The following RIN2 variants were observed in gnomAD, a reference collection of about 807,000 sequenced individuals.
RIN2 encodes RAB5 interacting protein 2.
In RIN2, 36 loss-of-function variants were observed where a neutral mutation model predicts 78.0. That is an observed-to-expected ratio of 0.46 (90% CI 0.35 to 0.61). The LOEUF is 0.61. RIN2 is among the 20% of genes least tolerant of loss of function. The pLI, the probability that RIN2 is intolerant of heterozygous loss-of-function variation, is 0.00. For synonymous variants in RIN2, 466 were observed against 466.8 expected, an observed-to-expected ratio of 1.00 and a Z score of 0.02; for missense variants, 1,087 against 1,159.7, an observed-to-expected ratio of 0.94 and a Z score of 0.91.
intron 3 of RIN2, among the ~76,000 whole-genome samples, chr20:19,891,634 C>T (rs1282432450): frequency 6.6e-6 from 1 of 152,194 alleles, no homozygotes; most frequent in African/African-American, 2.4e-5. Context: ...GCCTGGCCAA[C>T]ATGGCGAAAC....
chr20:19,942,039 G>C (rs2040892290), intron 4 of RIN2, among the ~76,000 whole-genome samples: 1 of 150,114 alleles, frequency 6.7e-6, no homozygotes, highest in African/African-American at 2.5e-5. Context: ...GAACCTGAAA[G>C]ATGGAGGTTG....
intron 2 of RIN2, among the ~76,000 whole-genome samples, chr20:19,815,061 C>T (rs982036368): frequency 6.6e-6 from 1 of 152,220 alleles, no homozygotes; most frequent in Non-Finnish European, 1.5e-5. Context: ...GGATTATTAA[C>T]TGGCTCTGAG....
At chr20:19,994,075 C>T (rs2042882288) in intron 11 of RIN2, among the ~76,000 whole-genome samples, 1 of 152,236 alleles carries the variant, frequency 6.6e-6, no homozygotes. Context: ...GACTAATGGA[C>T]AGGTGGCTGT....
At chr20:19,860,917 C>A (rs1289213522) in intron 2 of RIN2, among the ~76,000 whole-genome samples, 2 of 152,182 alleles carry the variant, frequency 1.3e-5, no homozygotes, top group East Asian at 1.9e-4. Flanking sequence ...CAGCACATAA[C>A]CAACTGCAAG....
chr20:19,844,121 G>C (rs768014486), intron 2 of RIN2, among the ~76,000 whole-genome samples: 2 of 152,174 alleles, frequency 1.3e-5, no homozygotes, highest in Non-Finnish European at 2.9e-5. Context: ...AGTAGCTCTA[G>C]AAATGATGTT....
At chr20:19,959,236 T>C (rs1318753738) in intron 5 of RIN2, among the ~76,000 whole-genome samples, 1 of 152,148 alleles carries the variant, frequency 6.6e-6, no homozygotes, top group Non-Finnish European at 1.5e-5. Context: ...TGCCAACCCC[T>C]GATATAACGT....
intron 2 of RIN2, among the ~76,000 whole-genome samples, chr20:19,846,914 G>T (rs932621233): frequency 6.6e-6 from 1 of 152,138 alleles, no homozygotes; most frequent in Admixed American, 6.5e-5. Context: ...ACTCCATCCA[G>T]CCTACCATAA....
intron 1 of RIN2, among the ~76,000 whole-genome samples, chr20:19,776,804 T>C (rs1343669946): frequency 2.6e-5 from 4 of 152,114 alleles, no homozygotes; most frequent in Non-Finnish European, 4.4e-5. Flanking sequence ...CCCTTCCGAT[T>C]TTCCTGCCTT....
At chr20:19,986,348 G>GAT (rs1487441567) in intron 9 of RIN2, among the ~76,000 whole-genome samples, 1 of 151,652 alleles carries the variant, frequency 6.6e-6, no homozygotes, top group Non-Finnish European at 1.5e-5. Context: ...GGAGGAGTGG[G>GAT]ATAAACCTCT....
chr20:19,998,397 G>T (rs1344207043), intron 12 of RIN2, among the ~76,000 whole-genome samples: 2 of 152,046 alleles, frequency 1.3e-5, no homozygotes, highest in South Asian at 2.1e-4. Context: ...AGGAGTTGGA[G>T]ACCAGCCTTG....
At chr20:19,832,994 T>C (rs1344387323) in intron 2 of RIN2, among the ~76,000 whole-genome samples, 1 of 152,116 alleles carries the variant, frequency 6.6e-6, no homozygotes, top group Admixed American at 6.5e-5. Flanking sequence ...CTCCAGAGCC[T>C]AATGAAATTA....
chr20:19,929,832 C>G (rs2040371185), intron 3 of RIN2, among the ~76,000 whole-genome samples: 1 of 152,176 alleles, frequency 6.6e-6, no homozygotes, highest in African/African-American at 2.4e-5. Flanking sequence ...TAAATCAACA[C>G]AAACTTGTCC....
chr20:19,853,512 G>A (rs1180691634), intron 2 of RIN2, among the ~76,000 whole-genome samples: 2 of 152,136 alleles, frequency 1.3e-5, no homozygotes, highest in Non-Finnish European at 2.9e-5. Context: ...GTGTAAAAGT[G>A]TTCCTGTTTC....
intron 2 of RIN2, among the ~76,000 whole-genome samples, chr20:19,858,637 C>A (rs918604707): frequency 3.9e-5 from 6 of 152,162 alleles, no homozygotes; most frequent in Non-Finnish European, 8.8e-5. Context: ...TGCTCAAAAA[C>A]CATCTTGATA....
chr20:19,776,186 G>A (rs1234506532), intron 1 of RIN2, among the ~76,000 whole-genome samples: 2 of 152,208 alleles, frequency 1.3e-5, no homozygotes, highest in Non-Finnish European at 2.9e-5. Context: ...GGAAGTGGGA[G>A]TCGGACATGC....
intron 2 of RIN2, among the ~76,000 whole-genome samples, chr20:19,802,759 A>G (rs1369275223): frequency 6.6e-6 from 1 of 152,156 alleles, no homozygotes; most frequent in Admixed American, 6.5e-5. Flanking sequence ...GCTAGGTTTT[A>G]GTGCCCTATT....
At chr20:19,769,212 G>T (rs1206582760) in intron 1 of RIN2, among the ~76,000 whole-genome samples, 2 of 152,200 alleles carry the variant, frequency 1.3e-5, no homozygotes, top group Admixed American at 1.3e-4. Flanking sequence ...TGGGATTACA[G>T]GCATGAGCCA....
intron 3 of RIN2, among the ~76,000 whole-genome samples, chr20:19,932,847 C>T (rs1343312549): frequency 2.6e-5 from 4 of 152,154 alleles, no homozygotes; most frequent in East Asian, 1.9e-4. Flanking sequence ...TTAATCTGCC[C>T]GAAGTTCAAT....
rs1211663881 is a variant in RIN2 at position 19,788,666 on chromosome 20, A to C, written c.-162-10956A>C. On this transcript the variant is annotated intron_variant, in intron 1 of 12. Transcript: ENST00000255006. ...GTTAATATACTAGTAACAAGTAGAA[A>C]ATTAAATAGAAAATGTGATCTACAG... is the stretch of plus-strand genomic sequence containing the variant. Among the ~76,000 whole-genome samples, 5 of 152,236 alleles carry C rather than the reference A, an allele frequency of 3.3e-5. No homozygotes were observed. In the East Asian group the frequency reaches 7.7e-4, roughly 23 times the overall value.
Sources: gnomAD v4.1 joint callset for allele counts (sites outside exome capture counted in the v4.1 genomes callset) on GRCh38, gnomAD v4.1.1 for gene constraint, MANE v1.5 for transcripts, NCBI Gene and HGNC (gene_info 2026-07-23, HGNC 2026-07-21) for gene names.